The following CBLB variants were observed in gnomAD, a reference collection of about 807,000 sequenced individuals.
CBLB encodes E3 ubiquitin-protein ligase CBL-B.
A neutral mutation model predicts 104.9 loss-of-function variants in CBLB; 31 were observed. The ratio of observed to expected loss-of-function variants is 0.30; its 90% CI spans 0.22 to 0.40. The LOEUF is 0.40. CBLB is among the 10% of genes least tolerant of loss of function. The probability of loss-of-function intolerance (pLI) is 1.00; values close to 1 mark genes in which losing one functional copy is unlikely to be tolerated. For missense variants in CBLB, 1,062 were observed against 1,214.6 expected, an observed-to-expected ratio of 0.87 and a Z score of 1.87; for synonymous variants, 440 against 422.6, an observed-to-expected ratio of 1.04 and a Z score of -0.51.
chr3:105,741,124 G>T (rs2075516199), intron 6 of CBLB, among the ~76,000 whole-genome samples: 2 of 101,672 alleles, frequency 2.0e-5, no homozygotes, highest in African/African-American at 3.7e-5. Flanking sequence ...TTTTGAGACG[G>T]AGTCTTACTC....
At chr3:105,836,034 G>A (rs1006481196) in intron 3 of CBLB, among the ~76,000 whole-genome samples, 6 of 152,260 alleles carry the variant, frequency 3.9e-5, no homozygotes, top group African/African-American at 4.8e-5. Flanking sequence ...AGGTTACCTC[G>A]AGTGATTAGA....
rs183493258 is a variant in CBLB at position 105,727,460 on chromosome 3, T to C, written c.1203+6549A>G. Among the ~76,000 whole-genome samples, 9 of 152,342 alleles carry C rather than the reference T, an allele frequency of 5.9e-5. No homozygotes were observed. The East Asian group carries it at 1.5e-3, about 26-fold the overall frequency. On this transcript the variant is annotated intron_variant, in intron 9 of 18. Transcript: ENST00000394030. ...TTATGGATGTTAGCCCTTTGTCAGA[T>C]GGATAAACTGTAAAAATTTTCCCTC...
intron 2 of CBLB, among the ~76,000 whole-genome samples, chr3:105,856,454 A>G (rs1207928965): frequency 3.3e-5 from 5 of 151,976 alleles, no homozygotes; most frequent in African/African-American, 1.2e-4. Context: ...TCAAATTTCC[A>G]ACCATCAGCC....
chr3:105,855,628 C>G (rs1247762627), intron 2 of CBLB, among the ~76,000 whole-genome samples: 1 of 152,104 alleles, frequency 6.6e-6, no homozygotes, highest in Non-Finnish European at 1.5e-5. Flanking sequence ...ACAGTGAAAT[C>G]CAATTCAAAT....
chr3:105,854,695 C>A (rs1230528810), intron 2 of CBLB, among the ~76,000 whole-genome samples: 1 of 151,586 alleles, frequency 6.6e-6, no homozygotes. Context: ...TGTAGTGACA[C>A]GATCTCAGCT....
intron 9 of CBLB, among the ~76,000 whole-genome samples, chr3:105,722,137 CT>C (rs1303727073): frequency 7.2e-6 from 1 of 139,588 alleles, no homozygotes; most frequent in African/African-American, 2.7e-5. Flanking sequence ...GAGTTTGAGG[CT>C]GCAGTGAGCT....
At chr3:105,767,223 T>C (rs1224438212) in intron 4 of CBLB, among the ~76,000 whole-genome samples, 2 of 152,158 alleles carry the variant, frequency 1.3e-5, no homozygotes, top group Non-Finnish European at 2.9e-5. Flanking sequence ...ACTCTTAATT[T>C]CTACTGTGTA....
chr3:105,660,746 A>C (rs1202505563), intron 18 of CBLB, among the ~76,000 whole-genome samples: 1 of 152,194 alleles, frequency 6.6e-6, no homozygotes, highest in Non-Finnish European at 1.5e-5. Context: ...CTGTAAGCTG[A>C]TATTTTCAAT....
chr3:105,770,695 T>C (rs2078773851), intron 4 of CBLB, among the ~76,000 whole-genome samples: 2 of 152,142 alleles, frequency 1.3e-5, no homozygotes, highest in South Asian at 4.1e-4. Flanking sequence ...AAGAGGGGCA[T>C]GGCTTTTTGA....
chr3:105,805,411 T>G (rs930539910), intron 3 of CBLB, among the ~76,000 whole-genome samples: 5 of 152,010 alleles, frequency 3.3e-5, no homozygotes, highest in African/African-American at 1.2e-4. Flanking sequence ...TTCAAGCGAT[T>G]CCTGTGCCTC....
At position 105,733,838 on chromosome 3, in the gene CBLB, TAA is replaced by T. The variant is rs1389285946; in HGVS notation, c.1203+169_1203+170del. Among the ~76,000 whole-genome samples, 8 of 152,316 alleles carry T rather than the reference TAA, an allele frequency of 5.3e-5. No individual in the cohort carries two copies. The East Asian group carries it at 1.5e-3, about 29-fold the overall frequency. ...AATTTATACATTTAAAGATAAAATATAAGATAGTTAAAAATCAAATTATATAT... is the reference window on the plus strand; with the variant it reads ...AATTTATACATTTAAAGATAAAATATGATAGTTAAAAATCAAATTATATAT... On this transcript the variant is annotated intron_variant, in intron 9 of 18. Transcript: ENST00000394030.
At chr3:105,699,243 G>A (rs188286621) in intron 12 of CBLB, among the ~76,000 whole-genome samples, 70 of 152,184 alleles carry the variant, frequency 4.6e-4, no homozygotes, top group African/African-American at 1.7e-3. Flanking sequence ...AGATGTTTCG[G>A]TTTAAAAAAC....
At position 105,678,584 on chromosome 3, in the gene CBLB, A is replaced by G. The variant is rs753188842; in HGVS notation, c.2429-13T>C. On this transcript the variant is annotated splice_polypyrimidine_tract_variant and intron_variant, in intron 16 of 18. Transcript: ENST00000394030. ...AAAGCATCTTCACCTGCATTTAAAG[A>G]AAGGTCGATATCAGCAGCAGAACTT... 5 of 1,610,930 alleles carry G rather than the reference A, an allele frequency of 3.1e-6. No homozygotes were observed. The African/African-American group carries it at 5.3e-5, about 17-fold the overall frequency.
chr3:105,819,498 AAAAG>A (rs1235835103), intron 3 of CBLB, among the ~76,000 whole-genome samples: 12 of 152,102 alleles, frequency 7.9e-5, no homozygotes, highest in Admixed American at 6.5e-4. Context: ...CAAAAAAAAA[AAAAG>A]AAAGAAAGAA....
intron 4 of CBLB, among the ~76,000 whole-genome samples, chr3:105,767,912 T>A (rs1229919864): frequency 6.6e-6 from 1 of 152,226 alleles, no homozygotes; most frequent in African/African-American, 2.4e-5. Context: ...ATAATCTGGC[T>A]GCAGAGCCTG....
intron 18 of CBLB, among the ~76,000 whole-genome samples, chr3:105,669,065 A>AATCC (rs140483751): frequency 0.11 from 16,151 of 149,798 alleles, 1,193 homozygotes; most frequent in East Asian, 0.27. Flanking sequence ...TGTCCACTCA[A>AATCC]ATCCATCCAT....
chr3:105,748,304 G>A (rs561999849), intron 5 of CBLB, among the ~76,000 whole-genome samples: 1 of 152,208 alleles, frequency 6.6e-6, no homozygotes, highest in South Asian at 2.1e-4. Flanking sequence ...GTTGGAAGAG[G>A]GTCCTTGGCT....
chr3:105,825,574 A>G lies in CBLB; in HGVS notation c.419+27840T>C, dbSNP rs577947606. Among the ~76,000 whole-genome samples the G allele has an allele frequency of 2.6e-5, 4 of 152,336 alleles. No individual in the cohort carries two copies. In the East Asian group the frequency reaches 7.7e-4, roughly 29 times the overall value. On this transcript the variant is annotated intron_variant, in intron 3 of 18. Transcript: ENST00000394030. ...CCAGGACAGAGTAGGCGCTCAACAA[A>G]TATCACTGAAGGAACTGATGAATAA...
At chr3:105,845,452 T>C (rs532516612) in intron 3 of CBLB, among the ~76,000 whole-genome samples, 154 of 151,960 alleles carry the variant, frequency 1.0e-3, no homozygotes, top group Non-Finnish European at 1.6e-3. Context: ...AGCATTTTAT[T>C]AAAATTTAAA....
Sources: gnomAD v4.1 joint callset for allele counts (sites outside exome capture counted in the v4.1 genomes callset) on GRCh38, gnomAD v4.1.1 for gene constraint, MANE v1.5 for transcripts, NCBI Gene and HGNC (gene_info 2026-07-23, HGNC 2026-07-21) for gene names.